RNF182: variants seen among roughly 807,000 people sequenced by gnomAD.
RNF182 encodes the protein ring finger protein 182.
Under a neutral mutation model 14.4 loss-of-function variants are expected in RNF182, and 15 were observed. That is an observed-to-expected ratio of 1.04 (90% CI 0.70 to 1.60). The LOEUF (loss-of-function observed/expected upper bound fraction) is 1.60, where lower values mean the gene tolerates loss of function less well. RNF182 is among the 40% of genes most tolerant of loss of function. The pLI is 0.00. For missense variants in RNF182, 268 were observed against 294.8 expected (o/e 0.91, Z 0.67); for synonymous variants, 128 against 122.9 (o/e 1.04, Z -0.27).
chr6:13,963,994 G>A (rs566588663), intron 1 of RNF182, among the ~76,000 whole-genome samples: 1 of 151,852 alleles, frequency 6.6e-6, no homozygotes, highest in Admixed American at 6.6e-5. Flanking sequence ...TCATGAAAAA[G>A]TGGGGAAGAA....
intron 1 of RNF182, among the ~76,000 whole-genome samples, chr6:13,938,365 T>G (rs1759196341): frequency 6.6e-6 from 1 of 151,828 alleles, no homozygotes; most frequent in Non-Finnish European, 1.5e-5. Flanking sequence ...TAGATAGAAG[T>G]CCTTTGTGCA....
In RNF182 at chr6:13,967,318, A is replaced by C. The variant is rs985678971; in HGVS notation, c.-366-6892A>C. Among the ~76,000 whole-genome samples, 3 of 152,346 alleles carry C rather than the reference A, an allele frequency of 2.0e-5. No individual in the cohort carries two copies. In the East Asian group the frequency reaches 5.8e-4, roughly 29 times the overall value. ...AGGAAAGACATTATATAATGACAAAAAGAGGCAGAGTTTATGAAGAAAATA... is the reference window on the plus strand; with the variant it reads ...AGGAAAGACATTATATAATGACAAACAGAGGCAGAGTTTATGAAGAAAATA... On this transcript the variant is annotated intron_variant, in intron 1 of 2. Transcript: ENST00000488300.
intron 2 of RNF182, among the ~76,000 whole-genome samples, chr6:13,975,950 A>G (rs532579190): frequency 2.6e-5 from 4 of 152,336 alleles, no homozygotes; most frequent in African/African-American, 7.2e-5. Flanking sequence ...AAAATTGAGA[A>G]CTGACTGTGC....
intron 1 of RNF182, among the ~76,000 whole-genome samples, chr6:13,955,112 T>G (rs1368699533): frequency 1.3e-5 from 2 of 152,242 alleles, no homozygotes; most frequent in Non-Finnish European, 2.9e-5. Context: ...AAGAGCCAGA[T>G]AGTAAATAGT....
In RNF182 at chr6:13,977,797, T is replaced by TA; in HGVS notation, c.679dup (p.Met227AsnfsTer12). On this transcript the variant is annotated frameshift_variant, in exon 3 of 3. Coordinates refer to ENST00000488300, the MANE Select transcript of RNF182 (RefSeq NM_152737.4). LOFTEE classifies it high-confidence loss of function. ...TGGTCCCTTCGAGCCTCGTTATTCT[T>TA]ATGGTGTATGGTTTTTGCCAGTGTG... 6.2e-7 allele frequency: 1 copy of TA among 1,614,146 alleles called. No individual in the cohort carries two copies. Among genetic ancestry groups the TA allele is most frequent in the Non-Finnish European group, 8.5e-7 (1 of 1,180,002 alleles).
chr6:13,949,033 G>A, intron 1 of RNF182: 1 of 585,156 alleles, frequency 1.7e-6, no homozygotes, highest in South Asian at 2.1e-5. Flanking sequence ...TAATCAGTTT[G>A]ACCATAAAGT....
Position 13,977,088 on chromosome 6 carries a change from C to G in RNF182, c.-32C>G, listed in dbSNP as rs115889342. On this transcript the variant is annotated 5_prime_UTR_variant, in exon 3 of 3. Transcript: ENST00000488300. ...ATCAAAGCCATTCTTCAACAAGACC[C>G]ACCTGGCATAAGATTGCACACATAA... 1.6e-4 allele frequency: 249 copies of G among 1,579,284 alleles called. No individual in the cohort carries two copies. The African/African-American group carries it at 3.1e-3, about 20-fold the overall frequency.
At chr6:13,943,696 G>A (rs1759357505) in intron 1 of RNF182, among the ~76,000 whole-genome samples, 1 of 152,162 alleles carries the variant, frequency 6.6e-6, no homozygotes, top group African/African-American at 2.4e-5. Flanking sequence ...TGTTTGCTAA[G>A]TGAATAATGT....
chr6:13,964,965 A>G (rs974953280), intron 1 of RNF182, among the ~76,000 whole-genome samples: 2 of 152,222 alleles, frequency 1.3e-5, no homozygotes, highest in South Asian at 2.1e-4. Context: ...CTTCAGTTCC[A>G]TGGGTCCTTC....
At chr6:13,941,586 C>T (rs550608960) in intron 1 of RNF182, among the ~76,000 whole-genome samples, 247 of 152,108 alleles carry the variant, frequency 1.6e-3, no homozygotes, top group African/African-American at 5.5e-3. Context: ...TGTTTTCTAA[C>T]TGTCCTATCT....
intron 1 of RNF182, among the ~76,000 whole-genome samples, chr6:13,934,808 G>A (rs1259755197): frequency 6.6e-6 from 1 of 152,208 alleles, no homozygotes; most frequent in Non-Finnish European, 1.5e-5. Context: ...GAGTGGATGA[G>A]TACCTTAGAT....
chr6:13,975,594 T>A (rs914845448), intron 2 of RNF182, among the ~76,000 whole-genome samples: 2 of 152,226 alleles, frequency 1.3e-5, no homozygotes, highest in African/African-American at 4.8e-5. Context: ...GGAAGTCAAT[T>A]AAAAATTAAA....
At chr6:13,932,448 A>G (rs1474075299) in intron 1 of RNF182, among the ~76,000 whole-genome samples, 2 of 152,202 alleles carry the variant, frequency 1.3e-5, no homozygotes, top group African/African-American at 4.8e-5. Context: ...TATCAGTCTC[A>G]TTTATGAACT....
intron 1 of RNF182, among the ~76,000 whole-genome samples, chr6:13,941,937 A>G (rs1286970441): frequency 6.6e-6 from 1 of 152,100 alleles, no homozygotes; most frequent in East Asian, 1.9e-4. Flanking sequence ...ATTTATTTTC[A>G]TTCCTTCATG....
chr6:13,968,776 G>A (rs1380100548), intron 1 of RNF182, among the ~76,000 whole-genome samples: 2 of 152,172 alleles, frequency 1.3e-5, no homozygotes, highest in Non-Finnish European at 2.9e-5. Flanking sequence ...ATTTATATAT[G>A]TAAATGTGTT....
chr6:13,960,004 AGAG>A (rs1759827148), intron 1 of RNF182, among the ~76,000 whole-genome samples: 3 of 152,176 alleles, frequency 2.0e-5, no homozygotes, highest in Admixed American at 2.0e-4. Flanking sequence ...ATTTGATAGA[AGAG>A]GAGCTGGCAG....
chr6:13,927,962 C>G, intron 1 of RNF182, among the ~76,000 whole-genome samples: 1 of 152,136 alleles, frequency 6.6e-6, no homozygotes, highest in South Asian at 2.1e-4. Context: ...GTTAACTGAC[C>G]TGCTGTGCAC....
intron 1 of RNF182, among the ~76,000 whole-genome samples, chr6:13,957,964 G>A (rs900701223): frequency 6.6e-6 from 1 of 152,016 alleles, no homozygotes; most frequent in Non-Finnish European, 1.5e-5. Flanking sequence ...ATCAATTGGA[G>A]ATTTTAAATG....
intron 2 of RNF182, among the ~76,000 whole-genome samples, chr6:13,974,960 A>G (rs918618720): frequency 6.6e-6 from 1 of 152,118 alleles, no homozygotes; most frequent in Non-Finnish European, 1.5e-5. Flanking sequence ...GATTCAGGAG[A>G]GCATTACATC....
Sources: gnomAD v4.1 joint callset for allele counts (sites outside exome capture counted in the v4.1 genomes callset) on GRCh38, gnomAD v4.1.1 for gene constraint, MANE v1.5 for transcripts, NCBI Gene and HGNC (gene_info 2026-07-23, HGNC 2026-07-21) for gene names.